Variants in CBLB observed in about 807,000 individuals in gnomAD.
The protein encoded by CBLB is Cbl proto-oncogene B.
Under a neutral mutation model 104.9 loss-of-function variants are expected in CBLB, and 31 were observed. The observed-to-expected ratio is 0.30, with a 90% CI of 0.22 to 0.40. CBLB has a LOEUF of 0.40. CBLB is among the 10% of genes least tolerant of loss of function. CBLB has a pLI of 1.00. For synonymous variants in CBLB, 440 were observed against 422.6 expected (o/e 1.04, Z -0.51); for missense variants, 1,062 against 1,214.6 (o/e 0.87, Z 1.87).
chr3:105,700,069 ATCACAACATGAAAGT>A (rs2068872532), intron 12 of CBLB, among the ~76,000 whole-genome samples: 1 of 152,174 alleles, frequency 6.6e-6, no homozygotes, highest in Admixed American at 6.5e-5. Flanking sequence ...TGTTTCAATG[ATCACAACATGAAAGT>A]TCACACAGAA....
At chr3:105,681,187 T>C (rs1295362300) in intron 16 of CBLB, 3 of 481,112 alleles carry the variant, frequency 6.2e-6, no homozygotes, top group Non-Finnish European at 1.1e-5. Flanking sequence ...AGTCATCACT[T>C]CAAAACTACT....
chr3:105,722,481 G>A lies in CBLB; in HGVS notation c.1204-2231C>T, dbSNP rs115723634. Reference sequence around the variant, plus strand: ...CTCTTGTTCCTTTCACTCTTAGATCGTTTTGAAGTACCTCCTACACATCAT... The same window carrying A: ...CTCTTGTTCCTTTCACTCTTAGATCATTTTGAAGTACCTCCTACACATCAT... On this transcript the variant is annotated intron_variant, in intron 9 of 18. Transcript: ENST00000394030. 6.2e-3 allele frequency among the ~76,000 whole-genome samples: 940 copies of A among 152,074 alleles called. 6 individuals are homozygous for A. The highest frequency in any genetic ancestry group is 0.022 in the African/African-American group (913 of 41,484).
chr3:105,755,274 CG>C (rs2076989317), intron 4 of CBLB, among the ~76,000 whole-genome samples: 1 of 151,572 alleles, frequency 6.6e-6, no homozygotes, highest in Admixed American at 6.6e-5. Flanking sequence ...TGAGAATATG[CG>C]GTGGAAAAAC....
chr3:105,719,470 A>T (rs532887303), intron 10 of CBLB, among the ~76,000 whole-genome samples: 54 of 152,326 alleles, frequency 3.5e-4, no homozygotes, highest in Admixed American at 1.3e-3. Context: ...CATCATGGTG[A>T]TCCTATAAGA....
intron 3 of CBLB, among the ~76,000 whole-genome samples, chr3:105,808,350 T>C (rs1195873565): frequency 6.6e-6 from 1 of 152,210 alleles, no homozygotes; most frequent in East Asian, 1.9e-4. Flanking sequence ...TTTAGTAATA[T>C]GTGTTTCTCT....
chr3:105,798,665 AGATGTTAAATATTGAGACTGGG>A (rs1320433456), intron 3 of CBLB, among the ~76,000 whole-genome samples: 1 of 152,228 alleles, frequency 6.6e-6, no homozygotes, highest in African/African-American at 2.4e-5. Context: ...AGTCAGAACC[AGATGTTAAATATTGAGACTGGG>A]GGTAGGGGAA....
chr3:105,681,368 G>A (rs2066293005), intron 16 of CBLB, 111 bp downstream of exon 16: 1 of 1,140,982 alleles, frequency 8.8e-7, no homozygotes, highest in East Asian at 2.5e-5. Context: ...TCAAATTTCA[G>A]GCAAATTCAC....
In CBLB at chr3:105,658,266, A is replaced by G. The variant is rs1175862141; in HGVS notation, c.*704T>C. 4.6e-6 allele frequency: 1 copy of G among 219,676 alleles called. No individual in the cohort carries two copies. Among genetic ancestry groups the G allele is most frequent in the Non-Finnish European group, 9.1e-6 (1 of 109,304 alleles). 13.6% of individuals were successfully genotyped at this position (219,676 alleles called of 1,614,324 possible). A position where few individuals can be genotyped will look rare whatever the true frequency, so the allele number is the denominator to read the frequency against. The stretch of plus-strand genomic sequence containing the variant: ...TTAAACAAAAAAGGGAAGCTCCTCT[A>G]TGTTATGTGAAAACCCCTTACAAAA... On this transcript the variant is annotated 3_prime_UTR_variant, in exon 19 of 19. Transcript: ENST00000394030.
rs899873770 is a variant in CBLB, at chr3:105,703,941, A to G, written c.1593+47T>C. Reference sequence around the variant, plus strand: ...TTTAAAAGAATCTGAGCAATCAATAATTGTCTTACAAAATTTTCATCTGTG... The same window carrying G: ...TTTAAAAGAATCTGAGCAATCAATAGTTGTCTTACAAAATTTTCATCTGTG... On this transcript the variant is annotated intron_variant, in intron 11 of 18. Transcript: ENST00000394030. 1.4e-5 allele frequency: 21 copies of G among 1,543,556 alleles called. No individual in the cohort carries two copies. The African/African-American group carries it at 2.3e-4, about 17-fold the overall frequency.
At chr3:105,662,477 T>C (rs1197231839) in intron 18 of CBLB, among the ~76,000 whole-genome samples, 3 of 152,226 alleles carry the variant, frequency 2.0e-5, no homozygotes, top group Non-Finnish European at 2.9e-5. Context: ...CTACCATCCA[T>C]GTTCATGGTA....
intron 17 of CBLB, among the ~76,000 whole-genome samples, chr3:105,677,098 G>A (rs62263059): frequency 0.054 from 8,246 of 152,046 alleles, 408 homozygotes; most frequent in Admixed American, 0.14. Context: ...TGCTTGGACC[G>A]GAATGGATTA....
At chr3:105,844,724 C>G (rs1387388925) in intron 3 of CBLB, among the ~76,000 whole-genome samples, 1 of 152,196 alleles carries the variant, frequency 6.6e-6, no homozygotes. Context: ...CTATTTTACA[C>G]CCTACCCAAT....
chr3:105,818,711 T>C (rs960433968), intron 3 of CBLB, among the ~76,000 whole-genome samples: 1 of 152,160 alleles, frequency 6.6e-6, no homozygotes, highest in African/African-American at 2.4e-5. Context: ...AAAAATTCTT[T>C]AAACAATAAA....
chr3:105,838,083 C>CTTTTT (rs11294272), intron 3 of CBLB, among the ~76,000 whole-genome samples: 1 of 116,346 alleles, frequency 8.6e-6, no homozygotes, highest in African/African-American at 3.3e-5. Flanking sequence ...TCCTTTTTTT[C>CTTTTT]TTTTTTTTTT....
intron 13 of CBLB, among the ~76,000 whole-genome samples, chr3:105,687,369 G>T (rs888857516): frequency 1.3e-5 from 2 of 152,030 alleles, no homozygotes; most frequent in African/African-American, 4.8e-5. Flanking sequence ...TGGCTAATTT[G>T]ATATTTTACC....
intron 3 of CBLB, among the ~76,000 whole-genome samples, chr3:105,795,838 G>A (rs1428502476): frequency 1.3e-5 from 2 of 152,052 alleles, no homozygotes; most frequent in Non-Finnish European, 2.9e-5. Context: ...CTGCCTCCCG[G>A]GTTCAAGCAA....
rs1387731922 is a variant in CBLB at position 105,867,451 on chromosome 3, G to A, written c.127C>T (p.Arg43Cys). The A allele has an allele frequency of 2.5e-6, 4 of 1,614,122 alleles. No individual in the cohort carries two copies. The South Asian group carries it at 4.4e-5, about 18-fold the overall frequency. Residue 43 changes from arginine (R) to cysteine (C), a missense_variant, in exon 2 of 19, where the codon CGC (arginine) becomes TGC (cysteine). Arg to Cys is a radical substitution (Grantham distance 180). Around this residue, in one of 2 missense-constraint regions of CBLB, gnomAD observed 457 missense variants for 632.0 expected, o/e 0.72. Coordinates refer to ENST00000394030, the MANE Select transcript of CBLB (RefSeq NM_170662.5). ...TTCCAAGTCTTCTCCACGGTCCTGCGATCTGCGGCAGCTTGCTTAGGGGGT... is the reference window on the plus strand; with the variant it reads ...TTCCAAGTCTTCTCCACGGTCCTGCAATCTGCGGCAGCTTGCTTAGGGGGT... ...VGPPKQAAAD[R>C]RTVEKTWKLM...
rs145650347 is a variant in CBLB, at chr3:105,833,072, T to C, written c.419+20342A>G. 9.9e-5 allele frequency among the ~76,000 whole-genome samples: 15 copies of C among 151,930 alleles called. 1 individual carries two copies. The highest frequency in any genetic ancestry group is 3.9e-4 in the Admixed American group (6 of 15,258). Reference sequence around the variant, plus strand: ...CTGAAAAACTGAAAAATGATGTGAGTGGATAAAGAAGGAAGACCTGAGGGA... The same window carrying C: ...CTGAAAAACTGAAAAATGATGTGAGCGGATAAAGAAGGAAGACCTGAGGGA... On this transcript the variant is annotated intron_variant, in intron 3 of 18. Transcript: ENST00000394030.
chr3:105,868,129 T>A (rs779848352), intron 1 of CBLB: 1 of 832,818 alleles, frequency 1.2e-6, no homozygotes, highest in Admixed American at 4.1e-5. Context: ...GCGCAGGGCA[T>A]GTCCCACACT....
Sources: gnomAD v4.1 joint callset for allele counts (sites outside exome capture counted in the v4.1 genomes callset) on GRCh38, gnomAD v4.1.1 for gene constraint, gnomAD v4.1.1 regional missense constraint, MANE v1.5 for transcripts, NCBI Gene and HGNC (gene_info 2026-07-23, HGNC 2026-07-21) for gene names.